PCDH15: variants seen among roughly 807,000 people sequenced by gnomAD.
The protein encoded by PCDH15 is protocadherin-15.
In PCDH15, 129 loss-of-function variants were observed where a neutral mutation model predicts 178.5. The ratio of observed to expected loss-of-function variants is 0.72; its 90% CI spans 0.63 to 0.84. The LOEUF is 0.84. PCDH15 is among the 40% of genes least tolerant of loss of function. The pLI, the probability that PCDH15 is intolerant of heterozygous loss-of-function variation, is 0.00. For missense variants in PCDH15, 2,230 were observed against 2,099.9 expected, an observed-to-expected ratio of 1.06 and a Z score of -1.21; for synonymous variants, 800 against 732.0, an observed-to-expected ratio of 1.09 and a Z score of -1.50.
At chr10:54,842,768 A>C (rs1189658621) in intron 3 of PCDH15, among the ~76,000 whole-genome samples, 1 of 151,770 alleles carries the variant, frequency 6.6e-6, no homozygotes, top group East Asian at 1.9e-4. Context: ...CATATAAAAA[A>C]ATCTCTAGGA....
chr10:53,925,755 G>T lies in PCDH15; in HGVS notation c.3373+13060C>A, dbSNP rs1001136238. Among the ~76,000 whole-genome samples, 3 of 152,072 alleles carry T rather than the reference G, an allele frequency of 2.0e-5. 1 individual carries two copies. In the South Asian group the frequency reaches 6.2e-4, roughly 32 times the overall value. ...GTTTCTAGTCTTGAGCCCTTTCTAT[G>T]GTGTGTTCAGATGTGTGCAAATTAA... is the stretch of plus-strand genomic sequence containing the variant. On this transcript the variant is annotated intron_variant, in intron 25 of 37. Coordinates refer to ENST00000644397, the MANE Select transcript of PCDH15 (RefSeq NM_001384140.1).
At chr10:53,969,677 A>G (rs2089462559) in intron 21 of PCDH15, among the ~76,000 whole-genome samples, 1 of 152,242 alleles carries the variant, frequency 6.6e-6, no homozygotes, top group Admixed American at 6.5e-5. Context: ...AAAATGTACA[A>G]GTCAGAAGAG....
intron 28 of PCDH15, among the ~76,000 whole-genome samples, chr10:53,846,625 A>T (rs1230942390): frequency 6.6e-6 from 1 of 151,922 alleles, no homozygotes; most frequent in East Asian, 1.9e-4. Flanking sequence ...TCTTGAACCA[A>T]GTTATTTTTG....
At chr10:55,073,879 C>G (rs1752368815) in intron 2 of PCDH15, among the ~76,000 whole-genome samples, 1 of 151,954 alleles carries the variant, frequency 6.6e-6, no homozygotes, top group Non-Finnish European at 1.5e-5. Flanking sequence ...CTCCCCCGAC[C>G]AGGCTTCAGT....
chr10:54,256,192 G>A (rs2056884243), intron 8 of PCDH15, among the ~76,000 whole-genome samples: 1 of 152,160 alleles, frequency 6.6e-6, no homozygotes, highest in African/African-American at 2.4e-5. Context: ...CTACTGAAGA[G>A]AAGAAGTTGC....
chr10:54,412,536 T>C (rs1397885639), intron 3 of PCDH15, among the ~76,000 whole-genome samples: 1 of 152,142 alleles, frequency 6.6e-6, no homozygotes, highest in Non-Finnish European at 1.5e-5. Flanking sequence ...AAGTTAGTTG[T>C]GATAGTAGTT....
At chr10:54,823,226 C>CACACACAT (rs4007204) in intron 3 of PCDH15, among the ~76,000 whole-genome samples, 1 of 98,798 alleles carries the variant, frequency 1.0e-5, no homozygotes, top group African/African-American at 3.5e-5. Context: ...CACACACACA[C>CACACACAT]GCACACGCAC....
In PCDH15 at chr10:55,558,597, T is replaced by C. The variant is rs570228084; in HGVS notation, c.-156+69028A>G. On this transcript the variant is annotated intron_variant, in intron 2 of 5. Transcript: ENST00000613346. ...TAATGTATAATGCCTATGCATACAA[T>C]TAGTGTGCATTACAAAAGTACTTAT... Among the ~76,000 whole-genome samples the C allele has an allele frequency of 2.0e-3, 298 of 152,282 alleles. 1 individual carries two copies. The highest frequency in any genetic ancestry group is 3.7e-3 in the Non-Finnish European group (249 of 68,018).
At chr10:55,420,346 C>T (rs1342341043) in intron 2 of PCDH15, among the ~76,000 whole-genome samples, 3 of 151,602 alleles carry the variant, frequency 2.0e-5, no homozygotes, top group African/African-American at 7.3e-5. Context: ...AATGTACTTA[C>T]TCTCTGACAT....
chr10:54,691,611 G>T (rs1214742229), intron 1 of PCDH15, among the ~76,000 whole-genome samples: 1 of 151,542 alleles, frequency 6.6e-6, no homozygotes, highest in East Asian at 2.0e-4. Context: ...GGAGTATTTT[G>T]AATGGCAATG....
chr10:55,095,629 T>C (rs2256741), intron 2 of PCDH15, among the ~76,000 whole-genome samples: 13,378 of 152,120 alleles, frequency 0.088, 1,829 homozygotes, highest in African/African-American at 0.29. Flanking sequence ...GTTTTTAAGA[T>C]TATTTAATTA....
rs924568667 is a variant in PCDH15, at chr10:55,339,734, C to A, written c.-155-173083G>T. Among the ~76,000 whole-genome samples the A allele has an allele frequency of 2.6e-5, 4 of 152,040 alleles. No homozygotes were observed. In the East Asian group the frequency reaches 5.8e-4, roughly 22 times the overall value. Reference sequence around the variant, plus strand: ...TATAAAATAGCAAATCGGATCTTACCAGCTTTTAGTTAATAATTGGCCACT... The same window carrying A: ...TATAAAATAGCAAATCGGATCTTACAAGCTTTTAGTTAATAATTGGCCACT... On this transcript the variant is annotated intron_variant, in intron 2 of 5. Coordinates refer to the PCDH15 transcript ENST00000613346.
At chr10:54,480,357 A>G (rs1310747829) in intron 3 of PCDH15, among the ~76,000 whole-genome samples, 1 of 152,198 alleles carries the variant, frequency 6.6e-6, no homozygotes, top group East Asian at 1.9e-4. Flanking sequence ...GAGGTTAAGT[A>G]GCATATCACT....
chr10:53,973,077 G>C (rs534369152), intron 21 of PCDH15, among the ~76,000 whole-genome samples: 1 of 152,132 alleles, frequency 6.6e-6, no homozygotes, highest in African/African-American at 2.4e-5. Flanking sequence ...TTAAGAAAAT[G>C]TGGCACATAT....
At chr10:54,275,740 G>T (rs902002049) in intron 8 of PCDH15, among the ~76,000 whole-genome samples, 12 of 151,236 alleles carry the variant, frequency 7.9e-5, no homozygotes, top group African/African-American at 2.4e-4. Context: ...TGACAGAAAG[G>T]CTTCTTATAA....
intron 2 of PCDH15, among the ~76,000 whole-genome samples, chr10:55,371,846 A>C (rs1008122926): frequency 6.6e-6 from 1 of 152,176 alleles, no homozygotes; most frequent in African/African-American, 2.4e-5. Flanking sequence ...TAAATGGAAA[A>C]AAATTTAATC....
At chr10:54,076,704 C>T (rs1231401546) in intron 17 of PCDH15, among the ~76,000 whole-genome samples, 1 of 151,954 alleles carries the variant, frequency 6.6e-6, no homozygotes, top group East Asian at 1.9e-4. Flanking sequence ...TAGAAAAGGA[C>T]AGTCAAATCA....
chr10:54,155,014 C>T (rs2044953983), intron 13 of PCDH15, among the ~76,000 whole-genome samples: 1 of 152,088 alleles, frequency 6.6e-6, no homozygotes, highest in African/African-American at 2.4e-5. Context: ...GAGGAGATAT[C>T]AATTTTGATT....
At chr10:55,537,698 T>C (rs181834136) in intron 2 of PCDH15, among the ~76,000 whole-genome samples, 35 of 152,188 alleles carry the variant, frequency 2.3e-4, no homozygotes, top group African/African-American at 8.4e-4. Context: ...CCTGCCAAAG[T>C]GCTGGGATAC....
Sources: gnomAD v4.1 joint callset for allele counts (sites outside exome capture counted in the v4.1 genomes callset) on GRCh38, gnomAD v4.1.1 for gene constraint, MANE v1.5 for transcripts, NCBI Gene and HGNC (gene_info 2026-07-23, HGNC 2026-07-21) for gene names.